TENM2: variants seen among roughly 807,000 people sequenced by gnomAD.
The protein encoded by TENM2 is teneurin transmembrane protein 2.
In TENM2, 52 loss-of-function variants were observed where a neutral mutation model predicts 245.2. The observed-to-expected ratio is 0.21, with a 90% confidence interval of 0.17 to 0.27. The LOEUF is 0.27. Among genes scored for constraint, TENM2 ranks in the 10% least tolerant of loss-of-function variants. TENM2 has a pLI of 1.00. For missense variants in TENM2, 3,046 were observed against 3,666.8 expected, an observed-to-expected ratio of 0.83 and a Z score of 4.37; for synonymous variants, 1,363 against 1,438.9, an observed-to-expected ratio of 0.95 and a Z score of 1.19.
intron 1 of TENM2, among the ~76,000 whole-genome samples, 168 bp downstream of exon 3, chr5:167,285,231 C>G: frequency 6.6e-6 from 1 of 152,260 alleles, no homozygotes; most frequent in South Asian, 2.1e-4. Flanking sequence ...GAATCTCTAT[C>G]CTGAGAAACC....
At chr5:167,684,214 C>T (rs1756928277) in intron 2 of TENM2, among the ~76,000 whole-genome samples, 1 of 152,196 alleles carries the variant, frequency 6.6e-6, no homozygotes, top group African/African-American at 2.4e-5. Context: ...ATGGTCTCAG[C>T]CTTGCCTACC....
At chr5:168,162,488 G>A (rs775333889) in intron 12 of TENM2, 123 bp from the exon 15 acceptor site, 52 of 1,005,248 alleles carry the variant, frequency 5.2e-5, no homozygotes, top group East Asian at 4.5e-4. Context: ...AGGCAGGCGC[G>A]GGCCCCACTG....
At chr5:167,613,099 A>G (rs1315394106) in intron 2 of TENM2, among the ~76,000 whole-genome samples, 1 of 152,174 alleles carries the variant, frequency 6.6e-6, no homozygotes, top group Non-Finnish European at 1.5e-5. Context: ...ATCAAGTGCT[A>G]TATGAAGAGC....
chr5:167,158,125 A>C, the TENM2 span, among the ~76,000 whole-genome samples: 1 of 152,064 alleles, frequency 6.6e-6, no homozygotes, highest in South Asian at 2.1e-4. Flanking sequence ...TTGCTCTTTC[A>C]TTTCTTCTTC....
chr5:168,133,279 A>C (rs1326662313), intron 12 of TENM2, among the ~76,000 whole-genome samples: 1 of 152,238 alleles, frequency 6.6e-6, no homozygotes, highest in Non-Finnish European at 1.5e-5. Flanking sequence ...TTGCTTAGGG[A>C]GGGGGCAAAA....
intron 3 of TENM2, among the ~76,000 whole-genome samples, chr5:167,896,163 A>T (rs1209446150): frequency 6.6e-6 from 1 of 152,248 alleles, no homozygotes; most frequent in Non-Finnish European, 1.5e-5. Flanking sequence ...GACTGGGGAA[A>T]GCCTTCCCAC....
intron 3 of TENM2, among the ~76,000 whole-genome samples, chr5:167,891,578 T>C (rs1336154581): frequency 6.6e-6 from 1 of 152,142 alleles, no homozygotes; most frequent in Non-Finnish European, 1.5e-5. Context: ...AGATCAGTGC[T>C]AAGGGAGTTA....
the TENM2 span, among the ~76,000 whole-genome samples, chr5:167,232,387 TC>T: frequency 0.17 from 22,988 of 136,538 alleles, 1,806 homozygotes; most frequent in African/African-American, 0.22. Context: ...TTTTTTTTTT[TC>T]CCAAGACAGA....
intron 3 of TENM2, among the ~76,000 whole-genome samples, chr5:167,927,813 C>T (rs1777877672): frequency 6.6e-6 from 1 of 152,132 alleles, no homozygotes; most frequent in African/African-American, 2.4e-5. Context: ...AGGACGCCAC[C>T]CTTGAGTCTC....
the TENM2 span, among the ~76,000 whole-genome samples, chr5:166,979,228 CAGCAGCA>C: frequency 2.6e-5 from 4 of 151,848 alleles, no homozygotes; most frequent in Non-Finnish European, 5.9e-5. Flanking sequence ...GCAGCAGCAG[CAGCAGCA>C]GCCGCCGCGG....
the TENM2 span, among the ~76,000 whole-genome samples, chr5:167,158,723 A>G: frequency 2.0e-5 from 3 of 152,044 alleles, no homozygotes; most frequent in African/African-American, 4.8e-5. Flanking sequence ...AAATCCCTCT[A>G]TGAGGTCTCC....
the TENM2 span, among the ~76,000 whole-genome samples, chr5:167,262,410 T>C: frequency 4.2e-5 from 6 of 144,120 alleles, no homozygotes; most frequent in South Asian, 1.4e-3. Flanking sequence ...GGGGGGGCGG[T>C]GCACAATAAG....
At chr5:167,281,914 C>T (rs974462882), upstream of TENM2, among the ~76,000 whole-genome samples, 1 of 148,746 alleles carries the variant, frequency 6.7e-6, no homozygotes, top group Admixed American at 6.9e-5. Flanking sequence ...GCAGGAGAAT[C>T]GCTTGAATCC....
chr5:168,151,695 T>G (rs1756666796), intron 12 of TENM2, among the ~76,000 whole-genome samples: 1 of 152,200 alleles, frequency 6.6e-6, no homozygotes, highest in African/African-American at 2.4e-5. Flanking sequence ...TTCCAAGTAC[T>G]GCCACATGGT....
In TENM2 at chr5:168,248,146, C is replaced by A; in HGVS notation, c.7207C>A (p.Pro2403Thr). The change falls in exon 27 of 29, where the codon CCC becomes ACC. Residue 2403 changes from proline (P) to threonine (T), a missense_variant. Physicochemically the swap from Pro to Thr is conservative, Grantham distance 38 (BLOSUM62 -1). Around this residue, in one of 2 missense-constraint regions of TENM2, gnomAD observed 2,704 missense variants for 3,331.9 expected, o/e 0.81. Transcript: ENST00000518659. ...TGGGGAGATTTATTATGACTCCAACCCCGACTTCCAGATGGTCATTGGCTT... is the reference window on the plus strand; with the variant it reads ...TGGGGAGATTTATTATGACTCCAACACCGACTTCCAGATGGTCATTGGCTT... 1 of 1,613,970 alleles carries A rather than the reference C, an allele frequency of 6.2e-7. No individual in the cohort carries two copies. Among genetic ancestry groups the A allele is most frequent in the African/African-American group, 1.3e-5 (1 of 75,020 alleles).
At chr5:167,626,775 T>G (rs1778533108) in intron 2 of TENM2, among the ~76,000 whole-genome samples, 1 of 152,168 alleles carries the variant, frequency 6.6e-6, no homozygotes, top group African/African-American at 2.4e-5. Context: ...TTATTTTGCT[T>G]TCAGAAAAGG....
At chr5:168,088,773 A>C (rs1203559349) in intron 7 of TENM2, among the ~76,000 whole-genome samples, 1 of 152,228 alleles carries the variant, frequency 6.6e-6, no homozygotes, top group African/African-American at 2.4e-5. Context: ...GTCTGATGGC[A>C]AAGCCTTTGT....
At chr5:167,081,127 A>G in the TENM2 span, among the ~76,000 whole-genome samples, 3 of 151,876 alleles carry the variant, frequency 2.0e-5, no homozygotes, top group South Asian at 4.2e-4. Flanking sequence ...ATGAGAAAAA[A>G]TCAATATCTT....
the TENM2 span, among the ~76,000 whole-genome samples, chr5:167,249,393 T>C: frequency 3.9e-5 from 6 of 152,148 alleles, no homozygotes; most frequent in African/African-American, 1.4e-4. Context: ...TTACAGAGCA[T>C]TGTCTCACCT....
Sources: allele counts gnomAD v4.1 joint callset (sites outside exome capture counted in the v4.1 genomes callset), GRCh38; gene constraint gnomAD v4.1.1; regional missense constraint gnomAD v4.1.1; transcripts MANE v1.5; gene names NCBI Gene and HGNC (gene_info 2026-07-23, HGNC 2026-07-21).